C3orf20: variants seen among roughly 807,000 people sequenced by gnomAD.
The protein encoded by C3orf20 is family with sequence similarity 149 member C, also known as uncharacterized protein C3orf20.
In C3orf20, 76 loss-of-function variants were observed where a neutral mutation model predicts 88.3. The ratio of observed to expected loss-of-function variants is 0.86; its 90% confidence interval spans 0.72 to 1.04. C3orf20 has a LOEUF of 1.04. Among genes scored for constraint, C3orf20 ranks in the 50% least tolerant of loss-of-function variants. The pLI, the probability that C3orf20 is intolerant of heterozygous loss-of-function variation, is 0.00. For missense variants in C3orf20, 1,056 were observed against 1,123.3 expected, an observed-to-expected ratio of 0.94 and a Z score of 0.86; for synonymous variants, 436 against 437.4, an observed-to-expected ratio of 1.00 and a Z score of 0.04.
chr3:14,734,811 T>G (rs1469148727), intron 12 of C3orf20, among the ~76,000 whole-genome samples: 1 of 152,110 alleles, frequency 6.6e-6, no homozygotes, highest in Non-Finnish European at 1.5e-5. Flanking sequence ...CCCACGATAA[T>G]TTTGGAGCTC....
chr3:14,728,623 G>A lies in C3orf20; in HGVS notation c.1875G>A (p.Glu625=). ...SIAETLKDEP[E]SAPVSPVRKT... Reference sequence around the variant, plus strand: ...CAGAGACTTTGAAGGATGAGCCTGAGTCTGCTCCTGTGAGCCCAGTTCGGA... The same window carrying A: ...CAGAGACTTTGAAGGATGAGCCTGAATCTGCTCCTGTGAGCCCAGTTCGGA... The change falls in exon 12 of 17, where the codon GAG becomes GAA. Residue 625 remains glutamate, a synonymous_variant. Coordinates refer to ENST00000253697, the MANE Select transcript of C3orf20 (RefSeq NM_032137.5). 6.2e-7 allele frequency: 1 copy of A among 1,614,190 alleles called. No individual in the cohort carries two copies. Among genetic ancestry groups the A allele is most frequent in the South Asian group, 1.1e-5 (1 of 91,082 alleles).
In C3orf20 at chr3:14,772,075, ACT is replaced by A; in HGVS notation, c.2507_2508del (p.Ser836CysfsTer8). 6.2e-7 allele frequency: 1 copy of A among 1,613,956 alleles called. No individual in the cohort carries two copies. The highest frequency in any genetic ancestry group is 8.5e-7 in the Non-Finnish European group (1 of 1,179,948). On this transcript the variant is annotated frameshift_variant, in exon 16 of 17. Transcript: ENST00000253697. LOFTEE classifies it high-confidence loss of function. The surrounding 1 kb of genome is among the most constrained non-coding windows in gnomAD (Gnocchi z 4.2). ...CCCTGCCTCCCCTGCAGTGTTCCCA[ACT>A]CTGTCCTGAGCCTGGAGGATTCTGA...
At chr3:14,691,616 CTT>C (rs1216429128) in intron 5 of C3orf20, among the ~76,000 whole-genome samples, 1 of 152,088 alleles carries the variant, frequency 6.6e-6, no homozygotes, top group Admixed American at 6.6e-5. Flanking sequence ...ATTCATATAA[CTT>C]TTTTTAATTT....
intron 12 of C3orf20, among the ~76,000 whole-genome samples, chr3:14,730,006 A>G (rs2034484538): frequency 1.3e-5 from 2 of 152,252 alleles, no homozygotes; most frequent in African/African-American, 4.8e-5. Flanking sequence ...AAGTCAAGAA[A>G]TAGAGCATTA....
intron 12 of C3orf20, among the ~76,000 whole-genome samples, chr3:14,732,346 G>A (rs1020459779): frequency 7.2e-5 from 11 of 152,126 alleles, no homozygotes. Context: ...TTTTCTTATT[G>A]TGAGTTTTGA....
At chr3:14,750,462 G>A (rs909376062) in intron 12 of C3orf20, among the ~76,000 whole-genome samples, 67 of 151,834 alleles carry the variant, frequency 4.4e-4, no homozygotes, top group African/African-American at 1.6e-3. Context: ...AGGCTAAGAT[G>A]GGAGAATCAC....
At chr3:14,748,334 C>G (rs1433837300) in intron 12 of C3orf20, among the ~76,000 whole-genome samples, 1 of 151,974 alleles carries the variant, frequency 6.6e-6, no homozygotes, top group Non-Finnish European at 1.5e-5. Context: ...TTTTTTATTT[C>G]AGTAATTTGC....
intron 9 of C3orf20, 96 bp downstream of exon 9, chr3:14,715,505 A>G: frequency 7.0e-7 from 1 of 1,425,838 alleles, no homozygotes; most frequent in Non-Finnish European, 9.3e-7. Context: ...TTAAAAGCCC[A>G]GGGCTACCCG....
At chr3:14,696,416 G>C (rs962850451) in intron 5 of C3orf20, among the ~76,000 whole-genome samples, 17 of 139,350 alleles carry the variant, frequency 1.2e-4, no homozygotes, top group Non-Finnish European at 1.1e-4. Flanking sequence ...TTTTGAGACG[G>C]AGTCACGCTC....
intron 9 of C3orf20, among the ~76,000 whole-genome samples, chr3:14,717,403 T>G (rs2033982093): frequency 6.6e-6 from 1 of 152,112 alleles, no homozygotes; most frequent in Non-Finnish European, 1.5e-5. Context: ...GGGGTGAGTG[T>G]GTGTGATTCA....
rs778796250 is a variant in C3orf20 at position 14,683,112 on chromosome 3, C to A, written c.399C>A (p.Thr133=). ...GTCAGGTGCGCACCCACCAGGAGAC[C>A]CTGAACAGGTTTCAGCAGCAGTCCA... ...MARQVRTHQE[T]LNRFQQQSIH... The change falls in exon 3 of 17, where the codon ACC becomes ACA. Residue 133 remains threonine, a synonymous_variant. Coordinates refer to ENST00000253697, the MANE Select transcript of C3orf20 (RefSeq NM_032137.5). 6.2e-7 allele frequency: 1 copy of A among 1,613,996 alleles called. No individual in the cohort carries two copies. Among genetic ancestry groups the A allele is most frequent in the African/African-American group, 1.3e-5 (1 of 74,936 alleles).
intron 12 of C3orf20, among the ~76,000 whole-genome samples, chr3:14,742,057 A>T (rs1202663707): frequency 6.6e-6 from 1 of 152,184 alleles, no homozygotes; most frequent in Non-Finnish European, 1.5e-5. Context: ...TGTCTGACTT[A>T]TGCCTCCTAC....
At chr3:14,741,446 C>T (rs2034895571) in intron 12 of C3orf20, among the ~76,000 whole-genome samples, 1 of 152,230 alleles carries the variant, frequency 6.6e-6, no homozygotes, top group Admixed American at 6.5e-5. Context: ...TCATTAGTTT[C>T]TCTCTTTTAC....
intron 14 of C3orf20, among the ~76,000 whole-genome samples, 180 bp downstream of exon 14, chr3:14,760,178 C>T (rs183814731): frequency 2.0e-5 from 3 of 152,334 alleles, no homozygotes. Context: ...AGTCACCCAG[C>T]ACACAGAGCT....
At chr3:14,699,967 A>G (rs981365821) in intron 5 of C3orf20, among the ~76,000 whole-genome samples, 34 of 152,342 alleles carry the variant, frequency 2.2e-4, no homozygotes, top group Middle Eastern at 3.4e-3. Context: ...GGGCAGGTCT[A>G]AATGCTCCCT....
chr3:14,705,008 C>G (rs968901916), intron 7 of C3orf20, among the ~76,000 whole-genome samples: 1 of 152,194 alleles, frequency 6.6e-6, no homozygotes, highest in African/African-American at 2.4e-5. Context: ...AACCTTCATC[C>G]TTCTCTCCCT....
chr3:14,700,534 CG>C (rs1559405521), intron 5 of C3orf20, among the ~76,000 whole-genome samples: 1 of 152,170 alleles, frequency 6.6e-6, no homozygotes. Context: ...CTCAAGGACT[CG>C]GGGGATTGCT....
intron 9 of C3orf20, 122 bp downstream of exon 9, chr3:14,715,531 G>A (rs977072094): frequency 7.8e-7 from 1 of 1,275,792 alleles, no homozygotes; most frequent in Admixed American, 2.7e-5. Flanking sequence ...CAGGAAGCCT[G>A]CCCTGAAGGA....
intron 6 of C3orf20, 91 bp downstream of exon 6, chr3:14,703,353 A>G: frequency 6.4e-7 from 1 of 1,570,774 alleles, no homozygotes; most frequent in Admixed American, 1.7e-5. Flanking sequence ...GTGAGTGGAC[A>G]GTCACAGAAG....
Sources: gnomAD v4.1 joint callset for allele counts (sites outside exome capture counted in the v4.1 genomes callset) on GRCh38, gnomAD v4.1.1 for gene constraint, Gnocchi (gnomAD v3.1) non-coding constraint, MANE v1.5 for transcripts, NCBI Gene and HGNC (gene_info 2026-07-23, HGNC 2026-07-21) for gene names.